TMEM141: variants seen among roughly 807,000 people sequenced by gnomAD.
The protein encoded by TMEM141 is transmembrane protein 141.
A neutral mutation model predicts 15.9 loss-of-function variants in TMEM141; 18 were observed. The ratio of observed to expected loss-of-function variants is 1.13; its 90% CI spans 0.78 to 1.68. The LOEUF (loss-of-function observed/expected upper bound fraction) is 1.68. Ranked by LOEUF, TMEM141 falls within the 40% of genes most tolerant of loss-of-function variation. TMEM141 has a pLI of 0.00. For missense variants in TMEM141, 161 were observed against 139.5 expected, an observed-to-expected ratio of 1.15 and a Z score of -0.78; for synonymous variants, 69 against 54.0, an observed-to-expected ratio of 1.28 and a Z score of -1.22.
chr9:136,792,996 C>A lies in TMEM141; in HGVS notation c.*164C>A. The stretch of plus-strand genomic sequence containing the variant: ...CCTGACAAACACCTGCAGATGGCTG[C>A]TGCCCCAACCTGGGACCTGCCCAGG... On this transcript the variant is annotated 3_prime_UTR_variant, in exon 5 of 5. Transcript: ENST00000290079. 1.0e-6 allele frequency: 1 copy of A among 973,708 alleles called. No individual in the cohort carries two copies. 60.3% of individuals were successfully genotyped at this position (973,708 alleles called of 1,614,324 possible). A position where few individuals can be genotyped will look rare whatever the true frequency, so the allele number is the denominator to read the frequency against.
At chr9:136,792,127 C>T in intron 3 of TMEM141, 97 bp downstream of exon 3, 1 of 1,551,848 alleles carries the variant, frequency 6.4e-7, no homozygotes, top group Non-Finnish European at 8.8e-7. Flanking sequence ...ACATGGAGCC[C>T]CAGGTCTCGG....
Position 136,792,895 on chromosome 9 carries a change from C to T in TMEM141, c.*63C>T. ...AGGAGTCTGGAACACAGCCTTCATGCCCCCTGACCCCAGGCCGACCCTCCC... is the reference window on the plus strand; with the variant it reads ...AGGAGTCTGGAACACAGCCTTCATGTCCCCTGACCCCAGGCCGACCCTCCC... On this transcript the variant is annotated 3_prime_UTR_variant, in exon 5 of 5. Transcript: ENST00000290079. The T allele has an allele frequency of 6.9e-7, 1 of 1,453,084 alleles. No individual in the cohort carries two copies. Among genetic ancestry groups the T allele is most frequent in the Non-Finnish European group, 9.1e-7 (1 of 1,098,190 alleles). The allele number at this position is 1,453,084 out of a possible 1,614,324, so 90.0% of individuals were successfully genotyped here.
chr9:136,793,195 A>T lies in TMEM141; in HGVS notation c.*363A>T, dbSNP rs537474354. ...CCTTTCTAGCCCCTGCATCTCCAACAAGTCCAAGGTGACAGCTGGTGCTAG... is the reference window on the plus strand; with the variant it reads ...CCTTTCTAGCCCCTGCATCTCCAACTAGTCCAAGGTGACAGCTGGTGCTAG... On this transcript the variant is annotated 3_prime_UTR_variant, in exon 5 of 5. Coordinates refer to ENST00000290079, the MANE Select transcript of TMEM141 (RefSeq NM_032928.4). 12 of 176,336 alleles carry T rather than the reference A, an allele frequency of 6.8e-5. No individual in the cohort carries two copies. The highest frequency in any genetic ancestry group is 2.8e-4 in the African/African-American group (12 of 42,428). The allele number at this position is 176,336 out of a possible 1,614,324, so 10.9% of individuals were successfully genotyped here.
In TMEM141 at chr9:136,792,277, G is replaced by T. The variant is rs1847599084; in HGVS notation, c.232G>T (p.Val78Leu). The change falls in exon 4 of 5, where the codon GTG becomes TTG. Residue 78 changes from valine (V) to leucine (L), a missense_variant. Transcript: ENST00000290079. ...VVAGSVVSYG[V>L]TRVESEKCNN... ...TGCAGGCTCTGTGGTCAGCTACGGG[G>T]TGACGAGAGTGGAGTCGGAGAAATG... 2 of 1,587,546 alleles carry T rather than the reference G, an allele frequency of 1.3e-6. No individual in the cohort carries two copies. Among genetic ancestry groups the T allele is most frequent in the African/African-American group, 1.3e-5 (1 of 74,336 alleles).
chr9:136,792,346 G>A lies in TMEM141; in HGVS notation c.301G>A (p.Asp101Asn), dbSNP rs1847599972. The stretch of plus-strand genomic sequence containing the variant: ...CCTGGAGACCGGGCAGCTCCCCAAA[G>A]ACAGGAGCACAGGTGAGAGAGCCTG... ...LFLETGQLPK[D>N]RSTDQRS Residue 101 changes from aspartate (D) to asparagine (N), a missense_variant, in exon 4 of 5, where the codon GAC (aspartate) becomes AAC (asparagine). Physicochemically the swap from Asp to Asn is conservative, Grantham distance 23 (BLOSUM62 1). Coordinates refer to ENST00000290079, the MANE Select transcript of TMEM141 (RefSeq NM_032928.4). 6.3e-7 allele frequency: 1 copy of A among 1,575,856 alleles called. No homozygotes were observed. Among genetic ancestry groups the A allele is most frequent in the African/African-American group, 1.4e-5 (1 of 74,054 alleles).
rs752228450 is a variant in TMEM141 at position 136,791,418 on chromosome 9, G to C, written c.48G>C (p.Lys16Asn). Residue 16 changes from lysine (K) to asparagine (N), a missense_variant, in exon 1 of 5, where the codon AAG becomes AAC. By Grantham distance (94) the Lys-to-Asn change is moderately conservative (BLOSUM62 0). Transcript: ENST00000290079. Reference protein sequence around the residue: ...LSRVDDAVAAKHPGLGEYAAC... With the variant: ...LSRVDDAVAANHPGLGEYAAC... ...GGGTGGACGACGCCGTGGCTGCCAA[G>C]CACCCGGTGAGAAGGCCGGTCTGGG... 2.6e-6 allele frequency: 4 copies of C among 1,558,140 alleles called. No individual in the cohort carries two copies. Among genetic ancestry groups the C allele is most frequent in the Non-Finnish European group, 3.5e-6 (4 of 1,151,372 alleles).
At chr9:136,791,803 G>A in intron 2 of TMEM141, 26 bp downstream of exon 2, 1 of 1,611,222 alleles carries the variant, frequency 6.2e-7, no homozygotes, top group Non-Finnish European at 8.5e-7. Flanking sequence ...GTGTCCTGCG[G>A]CTGGGAGAGA....
intron 4 of TMEM141, 153 bp downstream of exon 4, chr9:136,792,511 A>C (rs1847601456): frequency 5.9e-6 from 4 of 672,314 alleles, no homozygotes; most frequent in Non-Finnish European, 1.0e-5. Context: ...GATGGGTTGG[A>C]GCTGGGGGTG....
chr9:136,791,733 G>T lies in TMEM141; in HGVS notation c.77G>T (p.Cys26Phe). ...CAGGGACTCGGGGAGTATGCCGCAT[G>T]CCAGTCACACGCCTTCATGAAGGGC... ...KHPGLGEYAA[C>F]QSHAFMKGVF... is the part of the protein sequence containing the mutation. Residue 26 changes from cysteine to phenylalanine, a missense_variant, in exon 2 of 5, where the codon TGC (cysteine) becomes TTC (phenylalanine). Coordinates refer to ENST00000290079, the MANE Select transcript of TMEM141 (RefSeq NM_032928.4). 3.1e-6 allele frequency: 5 copies of T among 1,613,466 alleles called. No homozygotes were observed. Among genetic ancestry groups the T allele is most frequent in the Middle Eastern group, 3.3e-4 (2 of 6,062 alleles).
chr9:136,792,046 C>T lies in TMEM141; in HGVS notation c.205+16C>T. 2 of 1,613,254 alleles carry T rather than the reference C, an allele frequency of 1.2e-6. No homozygotes were observed. Among genetic ancestry groups the T allele is most frequent in the Non-Finnish European group, 1.7e-6 (2 of 1,179,586 alleles). ...GTGGCCGTGGGTGGGTACTCCAGGG[C>T]CCCTGCCTGGGCTCTTTGAGGGGTG... On this transcript the variant is annotated intron_variant, in intron 3 of 4. Transcript: ENST00000290079.
Position 136,792,925 on chromosome 9 carries a change from C to T in TMEM141, c.*93C>T. ...TGACCCCAGGCCGACCCTCCCCACACCCTAGGGTACCCCAGTCGTATCCTC... is the reference window on the plus strand; with the variant it reads ...TGACCCCAGGCCGACCCTCCCCACATCCTAGGGTACCCCAGTCGTATCCTC... On this transcript the variant is annotated 3_prime_UTR_variant, in exon 5 of 5. Coordinates refer to ENST00000290079, the MANE Select transcript of TMEM141 (RefSeq NM_032928.4). 1.4e-6 allele frequency: 2 copies of T among 1,399,816 alleles called. No individual in the cohort carries two copies. The highest frequency in any genetic ancestry group is 1.9e-6 in the Non-Finnish European group (2 of 1,070,898). The allele number at this position is 1,399,816 out of a possible 1,614,324, so 86.7% of individuals were successfully genotyped here. A position where few individuals can be genotyped will look rare whatever the true frequency, so the allele number is the denominator to read the frequency against.
In TMEM141 at chr9:136,792,324, G is replaced by A; in HGVS notation, c.279G>A (p.Leu93=). The change falls in exon 4 of 5, where the codon CTG becomes CTA. Residue 93 remains leucine, a synonymous_variant. Coordinates refer to ENST00000290079, the MANE Select transcript of TMEM141 (RefSeq NM_032928.4). ...AATGCAACAACCTCTGGCTCTTCCTGGAGACCGGGCAGCTCCCCAAAGACA... is the reference window on the plus strand; with the variant it reads ...AATGCAACAACCTCTGGCTCTTCCTAGAGACCGGGCAGCTCCCCAAAGACA... The part of the protein sequence containing the change: ...SEKCNNLWLF[L]ETGQLPKDRS... The A allele has an allele frequency of 6.3e-7, 1 of 1,585,434 alleles. No individual in the cohort carries two copies. The highest frequency in any genetic ancestry group is 8.6e-7 in the Non-Finnish European group (1 of 1,165,356).
rs890722338 is a variant in TMEM141, at chr9:136,792,515, G to A, written c.313+157G>A. 1.2e-5 allele frequency: 8 copies of A among 663,158 alleles called. No homozygotes were observed. The African/African-American group carries it at 1.3e-4, about 11-fold the overall frequency. 41.1% of individuals were successfully genotyped at this position (663,158 alleles called of 1,614,324 possible). ...TGTGACTGCCAGATGGGTTGGAGCT[G>A]GGGGTGGGCGCAGTAGACAGATCTT... On this transcript the variant is annotated intron_variant, in intron 4 of 4. Transcript: ENST00000290079.
chr9:136,792,745 C>T (rs1199604939), intron 4 of TMEM141, 74 bp from the exon 5 acceptor site: 1 of 1,215,166 alleles, frequency 8.2e-7, no homozygotes, highest in Non-Finnish European at 1.2e-6. Flanking sequence ...CAGTTTCTGC[C>T]ATGATAAAAT....
At chr9:136,792,776 A>G (rs769414754) in intron 4 of TMEM141, 43 bp from the exon 5 acceptor site, 4 of 1,480,490 alleles carry the variant, frequency 2.7e-6, no homozygotes, top group Non-Finnish European at 3.7e-6. Context: ...ATGCCCAGCC[A>G]CGATGGATGT....
Position 136,791,928 on chromosome 9 carries a change from G to GGA in TMEM141, c.122-18_122-17dup, listed in dbSNP as rs756608123. 2.4e-5 allele frequency: 38 copies of GGA among 1,613,934 alleles called. No homozygotes were observed. The highest frequency in any genetic ancestry group is 3.0e-5 in the Non-Finnish European group (35 of 1,180,008). On this transcript the variant is annotated intron_variant, in intron 2 of 4. Coordinates refer to ENST00000290079, the MANE Select transcript of TMEM141 (RefSeq NM_032928.4). ...GCTATCCCCGGGTACAGGTTGATGGGGACCTCGGCTCTTTGCAGGCACCGG... is the reference window on the plus strand; with the variant it reads ...GCTATCCCCGGGTACAGGTTGATGGGGAGACCTCGGCTCTTTGCAGGCACCGG...
At position 136,792,703 on chromosome 9, in the gene TMEM141, C is replaced by T. The variant is rs1202234017; in HGVS notation, c.314-116C>T. On this transcript the variant is annotated intron_variant, in intron 4 of 4. Transcript: ENST00000290079. ...AGCCCCGCATTGGACCCAGGCCTGG[C>T]CTCCACTGCCCGTTGTCCTTGTTAC... 14 of 788,562 alleles carry T rather than the reference C, an allele frequency of 1.8e-5. No individual in the cohort carries two copies. In the Admixed American group the frequency reaches 3.5e-4, roughly 20 times the overall value. 48.8% of individuals were successfully genotyped at this position (788,562 alleles called of 1,614,324 possible).
rs1340332170 is a variant in TMEM141 at position 136,791,694 on chromosome 9, C to T, written c.55-17C>T. ...GAGGGCAGGGGATCGAGCCTTCACC[C>T]GCCTCTGCCACCCCAGGGACTCGGG... is the stretch of plus-strand genomic sequence containing the variant. On this transcript the variant is annotated splice_polypyrimidine_tract_variant and intron_variant, in intron 1 of 4. Transcript: ENST00000290079. 6.2e-7 allele frequency: 1 copy of T among 1,611,760 alleles called. No individual in the cohort carries two copies. The highest frequency in any genetic ancestry group is 1.7e-5 in the Admixed American group (1 of 59,918).
chr9:136,792,177 A>T, intron 3 of TMEM141, 74 bp from the exon 4 acceptor site: 2 of 1,504,524 alleles, frequency 1.3e-6, no homozygotes, highest in Non-Finnish European at 1.8e-6. Context: ...GTCTGTCAGG[A>T]AGTAGCCTGT....
Sources: allele counts gnomAD v4.1 joint callset, GRCh38; gene constraint gnomAD v4.1.1; transcripts MANE v1.5; gene names NCBI Gene and HGNC (gene_info 2026-07-23, HGNC 2026-07-21).